The following ITGA9 variants were observed in gnomAD, a reference collection of about 807,000 sequenced individuals.
ITGA9 encodes the protein integrin subunit alpha 9, also known as integrin alpha-9.
A neutral mutation model predicts 127.8 loss-of-function variants in ITGA9; 56 were observed. The observed-to-expected ratio is 0.44, with a 90% CI of 0.35 to 0.55. ITGA9 has a LOEUF of 0.55. Among genes scored for constraint, ITGA9 ranks in the 20% least tolerant of loss-of-function variants. The pLI is 0.00. For missense variants in ITGA9, 1,196 were observed against 1,347.1 expected, an observed-to-expected ratio of 0.89 and a Z score of 1.76; for synonymous variants, 508 against 514.5, an observed-to-expected ratio of 0.99 and a Z score of 0.17.
At chr3:37,638,557 A>C (rs572877112) in intron 16 of ITGA9, among the ~76,000 whole-genome samples, 14 of 152,252 alleles carry the variant, frequency 9.2e-5, no homozygotes, top group African/African-American at 3.1e-4. Flanking sequence ...CTGATCTTTA[A>C]CCTGTGTATA....
intron 16 of ITGA9, among the ~76,000 whole-genome samples, chr3:37,638,258 G>A (rs1207356591): frequency 6.6e-6 from 1 of 152,104 alleles, no homozygotes; most frequent in African/African-American, 2.4e-5. Context: ...GAGTAATAAT[G>A]GTTGCCCCTG....
intron 15 of ITGA9, among the ~76,000 whole-genome samples, chr3:37,614,445 C>A (rs1035826971): frequency 2.0e-5 from 3 of 151,880 alleles, no homozygotes; most frequent in Admixed American, 6.6e-5. Context: ...CTTGGCGATG[C>A]GGGCTCTTTT....
In ITGA9 at chr3:37,667,217, A is replaced by G. The variant is rs1452485001; in HGVS notation, c.1916+13427A>G. On this transcript the variant is annotated intron_variant, in intron 17 of 27. Coordinates refer to ENST00000264741, the MANE Select transcript of ITGA9 (RefSeq NM_002207.3). ...CCTTTTGACATGGAGGCTTCTTCCC[A>G]TTAGCTTCCTAGGAATACTTTCATT... 1.5e-4 allele frequency among the ~76,000 whole-genome samples: 23 copies of G among 152,150 alleles called. 1 individual carries two copies. The highest frequency in any genetic ancestry group is 3.4e-4 in the Non-Finnish European group (23 of 67,984).
At chr3:37,657,988 T>C (rs748764635) in intron 17 of ITGA9, among the ~76,000 whole-genome samples, 2 of 152,222 alleles carry the variant, frequency 1.3e-5, no homozygotes, top group African/African-American at 2.4e-5. Flanking sequence ...TCAGTTTCCA[T>C]GTAGTTGTGC....
At chr3:37,615,151 A>G (rs1215926259) in intron 15 of ITGA9, among the ~76,000 whole-genome samples, 1 of 152,132 alleles carries the variant, frequency 6.6e-6, no homozygotes, top group Non-Finnish European at 1.5e-5. Context: ...TCAATACCTA[A>G]TCCATTGAGA....
intron 15 of ITGA9, among the ~76,000 whole-genome samples, chr3:37,587,025 C>T (rs1010802335): frequency 1.3e-5 from 2 of 152,178 alleles, no homozygotes; most frequent in African/African-American, 4.8e-5. Context: ...ATGTTTCCCT[C>T]ATTTTTGGGG....
chr3:37,539,271 A>G (rs1699243369), intron 14 of ITGA9, among the ~76,000 whole-genome samples: 1 of 152,246 alleles, frequency 6.6e-6, no homozygotes, highest in Admixed American at 6.5e-5. Flanking sequence ...GCCTGGGTCA[A>G]GGATCTGAGT....
At chr3:37,518,201 C>G (rs537815413) in intron 10 of ITGA9, among the ~76,000 whole-genome samples, 1 of 152,166 alleles carries the variant, frequency 6.6e-6, no homozygotes, top group East Asian at 1.9e-4. Flanking sequence ...CTTGGCCTCT[C>G]TCTCTGGCTT....
At chr3:37,529,579 G>A (rs1372709127) in intron 13 of ITGA9, among the ~76,000 whole-genome samples, 3 of 152,182 alleles carry the variant, frequency 2.0e-5, no homozygotes, top group East Asian at 1.9e-4. Context: ...TTTTAAGGAC[G>A]GGAAGCTCTA....
intron 23 of ITGA9, among the ~76,000 whole-genome samples, chr3:37,752,581 CT>C (rs1268600258): frequency 6.6e-6 from 1 of 152,200 alleles, no homozygotes; most frequent in Non-Finnish European, 1.5e-5. Context: ...CCCTTGGTGT[CT>C]GTATTGCCTG....
At chr3:37,672,513 C>T (rs1463605560) in intron 17 of ITGA9, among the ~76,000 whole-genome samples, 1 of 152,110 alleles carries the variant, frequency 6.6e-6, no homozygotes, top group Non-Finnish European at 1.5e-5. Context: ...TATAAATTAC[C>T]CAGTCTCAAG....
intron 23 of ITGA9, among the ~76,000 whole-genome samples, chr3:37,764,486 A>AAG: frequency 6.6e-6 from 1 of 150,786 alleles, no homozygotes; most frequent in Admixed American, 6.6e-5. Context: ...AAAAAAAAAA[A>AAG]AAAAATCAAG....
chr3:37,719,910 A>G (rs918359063), intron 18 of ITGA9, among the ~76,000 whole-genome samples: 1 of 152,212 alleles, frequency 6.6e-6, no homozygotes, highest in African/African-American at 2.4e-5. Context: ...CACAGGAAAT[A>G]TCTCTCAAAT....
intron 5 of ITGA9, among the ~76,000 whole-genome samples, chr3:37,500,080 C>G (rs950569280): frequency 6.6e-6 from 1 of 152,138 alleles, no homozygotes; most frequent in Non-Finnish European, 1.5e-5. Context: ...TCTTCAGTGC[C>G]CTTTGTATTA....
chr3:37,585,690 C>G, intron 15 of ITGA9: 1 of 507,894 alleles, frequency 2.0e-6, no homozygotes, highest in South Asian at 1.4e-5. Context: ...ACAGGTGAAA[C>G]GTAACAATAG....
At position 37,785,078 on chromosome 3, in the gene ITGA9, G is replaced by A. The variant is rs1291974900; in HGVS notation, c.2889G>A (p.Thr963=). Residue 963 remains threonine (T), a splice_region_variant and synonymous_variant, in exon 26 of 28, where the codon ACG becomes ACA. Transcript: ENST00000264741. ...CTCATGGGAACCCAGAAGAGGTGAC[G>A]GTGAGTCAGCCACCCCAGGACAGCC... ...EIAHGNPEEV[T]VVFEALHNLE... 6.2e-7 allele frequency: 1 copy of A among 1,608,966 alleles called. No homozygotes were observed.
At chr3:37,615,574 C>T (rs935713744) in intron 15 of ITGA9, among the ~76,000 whole-genome samples, 16 of 152,268 alleles carry the variant, frequency 1.1e-4, no homozygotes, top group East Asian at 1.9e-4. Context: ...TGGTAGAATT[C>T]GGCTGTGAAT....
chr3:37,751,728 C>T (rs1019685659), intron 23 of ITGA9, among the ~76,000 whole-genome samples: 43 of 152,142 alleles, frequency 2.8e-4, no homozygotes, highest in Non-Finnish European at 4.7e-4. Context: ...GCCTGGCTAT[C>T]GTTCTGGCTG....
intron 17 of ITGA9, among the ~76,000 whole-genome samples, chr3:37,654,231 C>T (rs989012386): frequency 2.7e-5 from 4 of 147,850 alleles, no homozygotes; most frequent in Non-Finnish European, 6.0e-5. Context: ...CACACACACA[C>T]TAGTGTATGT....
Sources: allele counts gnomAD v4.1 joint callset (sites outside exome capture counted in the v4.1 genomes callset), GRCh38; gene constraint gnomAD v4.1.1; transcripts MANE v1.5; gene names NCBI Gene and HGNC (gene_info 2026-07-23, HGNC 2026-07-21).